Variants in SGCZ observed in about 807,000 individuals in gnomAD.
SGCZ encodes zeta-sarcoglycan.
SGCZ carries 40 observed loss-of-function variants against 41.3 expected under a neutral mutation model. The observed-to-expected ratio is 0.97, with a 90% CI of 0.75 to 1.26. The LOEUF is 1.26. Ranked by LOEUF, SGCZ falls within the 50% of genes most tolerant of loss-of-function variation. The pLI, the probability that SGCZ is intolerant of heterozygous loss-of-function variation, is 0.00. For missense variants in SGCZ, 552 were observed against 369.8 expected (o/e 1.49, Z -4.04); for synonymous variants, 206 against 137.5 (o/e 1.50, Z -3.49).
At chr8:14,884,904 C>A (rs1438301807) in intron 1 of SGCZ, among the ~76,000 whole-genome samples, 1 of 152,044 alleles carries the variant, frequency 6.6e-6, no homozygotes, top group African/African-American at 2.4e-5. Context: ...TGTAGACAGG[C>A]AGACAGGCGC....
rs142229400 is a variant in SGCZ, at chr8:15,009,190, T to C, written c.39+228395A>G. ...GCTTACACAGACTGTACAGGAAGCATGGCTGGGGAGCCTCAGGAAATTTAA... is the reference window on the plus strand; with the variant it reads ...GCTTACACAGACTGTACAGGAAGCACGGCTGGGGAGCCTCAGGAAATTTAA... On this transcript the variant is annotated intron_variant, in intron 1 of 7. Coordinates refer to ENST00000382080, the MANE Select transcript of SGCZ (RefSeq NM_139167.4). Among the ~76,000 whole-genome samples, 26 of 147,362 alleles carry C rather than the reference T, an allele frequency of 1.8e-4. 1 individual carries two copies. The highest frequency in any genetic ancestry group is 6.5e-4 in the African/African-American group (26 of 40,172).
At chr8:14,649,556 C>G (rs889038489) in intron 1 of SGCZ, among the ~76,000 whole-genome samples, 1 of 151,608 alleles carries the variant, frequency 6.6e-6, no homozygotes, top group African/African-American at 2.4e-5. Flanking sequence ...TTTTGAGCAA[C>G]AGCATCAAGT....
intron 1 of SGCZ, among the ~76,000 whole-genome samples, chr8:14,984,020 A>G (rs1334910879): frequency 6.6e-6 from 1 of 152,202 alleles, no homozygotes; most frequent in African/African-American, 2.4e-5. Context: ...ACTAAAGTGG[A>G]GTGAAATTGG....
intron 2 of SGCZ, among the ~76,000 whole-genome samples, chr8:14,527,085 G>A (rs1802973908): frequency 6.6e-6 from 1 of 152,042 alleles, no homozygotes. Context: ...GCATGTGTAT[G>A]AATTTCACAT....
rs143797186 is a variant in SGCZ, at chr8:14,639,306, C to G, written c.40-84380G>C. On this transcript the variant is annotated intron_variant, in intron 1 of 7. Coordinates refer to ENST00000382080, the MANE Select transcript of SGCZ (RefSeq NM_139167.4). Reference sequence around the variant, plus strand: ...GTGCCTTACCACTAATATATTATTCCTGAGAGCCATTTGAGTGCTGTCATT... The same window carrying G: ...GTGCCTTACCACTAATATATTATTCGTGAGAGCCATTTGAGTGCTGTCATT... 3.0e-4 allele frequency among the ~76,000 whole-genome samples: 46 copies of G among 151,668 alleles called. 1 individual carries two copies. In the East Asian group the frequency reaches 8.4e-3, roughly 28 times the overall value.
At chr8:14,419,971 C>A (rs1377480201) in intron 2 of SGCZ, among the ~76,000 whole-genome samples, 3 of 152,070 alleles carry the variant, frequency 2.0e-5, no homozygotes, top group Admixed American at 6.6e-5. Context: ...TTCACAATTC[C>A]TTGGGCTGAG....
intron 1 of SGCZ, among the ~76,000 whole-genome samples, chr8:14,963,930 A>AT (rs1197136095): frequency 1.3e-5 from 2 of 151,972 alleles, no homozygotes; most frequent in Non-Finnish European, 2.9e-5. Context: ...CCCAGAAAAA[A>AT]TTTTTTCTAA....
chr8:14,520,986 A>C (rs1188797666), intron 2 of SGCZ, among the ~76,000 whole-genome samples: 1 of 152,164 alleles, frequency 6.6e-6, no homozygotes, highest in African/African-American at 2.4e-5. Flanking sequence ...AATTGCTTTA[A>C]TTACAATTTT....
At chr8:14,477,787 A>G (rs1248013248) in intron 2 of SGCZ, among the ~76,000 whole-genome samples, 1 of 152,226 alleles carries the variant, frequency 6.6e-6, no homozygotes, top group Non-Finnish European at 1.5e-5. Flanking sequence ...CTGAAAAATC[A>G]TACCTCTGCC....
intron 1 of SGCZ, among the ~76,000 whole-genome samples, chr8:14,692,906 A>G (rs762949084): frequency 2.1e-4 from 32 of 152,316 alleles, no homozygotes; most frequent in Non-Finnish European, 1.3e-4. Context: ...GCAAATAACA[A>G]TTCTAAACCT....
At chr8:14,805,393 A>T (rs1801483412) in intron 1 of SGCZ, among the ~76,000 whole-genome samples, 1 of 90,494 alleles carries the variant, frequency 1.1e-5, no homozygotes, top group Non-Finnish European at 2.3e-5. Context: ...AGATCTACCA[A>T]GCAAATGGAA....
chr8:14,341,747 C>G (rs899629548), intron 2 of SGCZ, among the ~76,000 whole-genome samples: 1 of 152,146 alleles, frequency 6.6e-6, no homozygotes, highest in African/African-American at 2.4e-5. Context: ...CTCATGAGAT[C>G]TGATGGGTTT....
rs1254438231 is a variant in SGCZ at position 14,088,798 on chromosome 8, T to C, written c.*1645A>G. On this transcript the variant is annotated 3_prime_UTR_variant, in exon 8 of 8. Transcript: ENST00000382080. ...CTGGTCAAATATTTCACTTTTCTTC[T>C]TGCATTGCCAATATTTCTACTTTCA... 6.6e-6 allele frequency among the ~76,000 whole-genome samples: 1 copy of C among 151,910 alleles called. No individual in the cohort carries two copies. The highest frequency in any genetic ancestry group is 1.5e-5 in the Non-Finnish European group (1 of 67,908).
At chr8:14,849,981 G>C (rs1379718869) in intron 1 of SGCZ, among the ~76,000 whole-genome samples, 1 of 151,986 alleles carries the variant, frequency 6.6e-6, no homozygotes, top group Admixed American at 6.6e-5. Flanking sequence ...TTTTTACATA[G>C]GCATTGAGAA....
At chr8:14,594,241 A>G (rs1805336033) in intron 1 of SGCZ, among the ~76,000 whole-genome samples, 1 of 151,644 alleles carries the variant, frequency 6.6e-6, no homozygotes. Flanking sequence ...AAAACAAAAT[A>G]CAAATGGCTG....
intron 1 of SGCZ, among the ~76,000 whole-genome samples, chr8:14,828,501 G>A (rs1233648052): frequency 1.3e-5 from 2 of 152,162 alleles, no homozygotes; most frequent in Non-Finnish European, 2.9e-5. Context: ...GTTTTCGATG[G>A]AAATTTTAAA....
chr8:14,088,075 T>G lies in SGCZ; in HGVS notation c.*2368A>C, dbSNP rs1443577154. On this transcript the variant is annotated 3_prime_UTR_variant, in exon 8 of 8. Coordinates refer to ENST00000382080, the MANE Select transcript of SGCZ (RefSeq NM_139167.4). Reference sequence around the variant, plus strand: ...GTTTTTACATCTTTTTTTCTCACTTTTTTTTTCATCTTTTCTCCTCTTATG... The same window carrying G: ...GTTTTTACATCTTTTTTTCTCACTTGTTTTTTCATCTTTTCTCCTCTTATG... Among the ~76,000 whole-genome samples the G allele has an allele frequency of 6.6e-6, 1 of 151,858 alleles. No individual in the cohort carries two copies. The highest frequency in any genetic ancestry group is 1.9e-4 in the East Asian group (1 of 5,164).
intron 4 of SGCZ, among the ~76,000 whole-genome samples, chr8:14,173,182 G>A (rs191358116): frequency 1.1e-4 from 16 of 151,564 alleles, no homozygotes; most frequent in African/African-American, 3.6e-4. Flanking sequence ...TTTTTTTTAA[G>A]AGAGACAACA....
At chr8:14,186,182 G>A (rs941828584) in intron 4 of SGCZ, among the ~76,000 whole-genome samples, 7 of 152,172 alleles carry the variant, frequency 4.6e-5, no homozygotes, top group South Asian at 2.1e-4. Flanking sequence ...CTAACATGCC[G>A]TCCAGTAAAA....
Sources: allele counts gnomAD v4.1 joint callset (sites outside exome capture counted in the v4.1 genomes callset), GRCh38; gene constraint gnomAD v4.1.1; transcripts MANE v1.5; gene names NCBI Gene and HGNC (gene_info 2026-07-23, HGNC 2026-07-21).